The following VPS37A variants were observed in gnomAD, a reference collection of about 807,000 sequenced individuals.
The protein encoded by VPS37A is VPS37A subunit of ESCRT-I, also known as vacuolar protein sorting-associated protein 37A.
Under a neutral mutation model 49.8 loss-of-function variants are expected in VPS37A, and 30 were observed. That is an observed-to-expected ratio of 0.60 (90% CI 0.45 to 0.82). VPS37A has a LOEUF of 0.82. Ranked by LOEUF, VPS37A falls within the 40% of genes least tolerant of loss-of-function variation. VPS37A has a pLI of 0.00. For missense variants in VPS37A, 593 were observed against 464.4 expected (o/e 1.28, Z -2.55); for synonymous variants, 195 against 160.6 (o/e 1.21, Z -1.62).
intron 1 of VPS37A, among the ~76,000 whole-genome samples, chr8:17,251,484 T>G (rs138527271): frequency 6.6e-6 from 1 of 152,232 alleles, no homozygotes; most frequent in Non-Finnish European, 1.5e-5. Flanking sequence ...TTCTACTGCA[T>G]AGAATCAGTG....
chr8:17,316,089 T>C, the VPS37A span, among the ~76,000 whole-genome samples: 1 of 152,318 alleles, frequency 6.6e-6, no homozygotes, highest in East Asian at 1.9e-4. Flanking sequence ...ATTGTTAATA[T>C]TCCCAAGAAC....
chr8:17,273,148 A>G (rs1177614285), intron 4 of VPS37A, among the ~76,000 whole-genome samples: 3 of 140,540 alleles, frequency 2.1e-5, no homozygotes, highest in Admixed American at 7.9e-5. Context: ...TATTTGTTTT[A>G]TGGGTGTATT....
At chr8:17,317,002 A>C in the VPS37A span, among the ~76,000 whole-genome samples, 3 of 152,196 alleles carry the variant, frequency 2.0e-5, no homozygotes, top group African/African-American at 7.2e-5. Flanking sequence ...ATCCCAACTA[A>C]TACTTGGTAA....
At chr8:17,265,370 A>G (rs1813347839) in intron 1 of VPS37A, among the ~76,000 whole-genome samples, 1 of 152,230 alleles carries the variant, frequency 6.6e-6, no homozygotes, top group African/African-American at 2.4e-5. Flanking sequence ...AACTAACTAG[A>G]ACATTGCTAC....
At chr8:17,299,842 T>G, downstream of VPS37A, 1 of 1,612,622 alleles carries the variant, frequency 6.2e-7, no homozygotes, top group Non-Finnish European at 8.5e-7. Context: ...TCCTTTACTT[T>G]GGAACTCCAA....
the VPS37A span, among the ~76,000 whole-genome samples, chr8:17,310,337 AG>A: frequency 1.3e-5 from 2 of 152,160 alleles, no homozygotes; most frequent in African/African-American, 2.4e-5. Flanking sequence ...TAATATGGAT[AG>A]TCTCATCAAT....
Position 17,274,880 on chromosome 8 carries a change from A to T in VPS37A, c.564A>T (p.Thr188=). 1 of 1,614,036 alleles carries T rather than the reference A, an allele frequency of 6.2e-7. No homozygotes were observed. The part of the protein sequence containing the change: ...TVSSSTTSHT[T]AKPAAPSFGV... ...CTTCTTCAACAACAAGTCATACCAC[A>T]GCCAAGCCTGCCGCTCCTTCATTTG... The change falls in exon 5 of 12, where the codon ACA becomes ACT. Residue 188 remains threonine, a synonymous_variant. Coordinates refer to ENST00000324849, the MANE Select transcript of VPS37A (RefSeq NM_152415.3).
intron 10 of VPS37A, 152 bp from the exon 11 acceptor site, chr8:17,286,195 A>T: frequency 1.6e-6 from 1 of 626,586 alleles, no homozygotes; most frequent in Non-Finnish European, 2.8e-6. Context: ...TCATAATTTG[A>T]TAATTTTAGC....
At chr8:17,270,658 G>T (rs1813889729) in intron 4 of VPS37A, among the ~76,000 whole-genome samples, 1 of 152,068 alleles carries the variant, frequency 6.6e-6, no homozygotes, top group Non-Finnish European at 1.5e-5. Flanking sequence ...TTCTCGATGG[G>T]GTAGCAAAGT....
At chr8:17,264,758 C>T (rs1260199269) in intron 1 of VPS37A, among the ~76,000 whole-genome samples, 1 of 152,148 alleles carries the variant, frequency 6.6e-6, no homozygotes, top group African/African-American at 2.4e-5. Flanking sequence ...GAAGAAGTTT[C>T]ATGTTCATTT....
chr8:17,267,123 A>G (rs1813537142), intron 2 of VPS37A, among the ~76,000 whole-genome samples: 1 of 152,198 alleles, frequency 6.6e-6, no homozygotes, highest in South Asian at 2.1e-4. Flanking sequence ...GTTAGTAAGT[A>G]GCATAGTCAA....
At chr8:17,291,959 G>A (rs993438587) in intron 11 of VPS37A, among the ~76,000 whole-genome samples, 4 of 152,202 alleles carry the variant, frequency 2.6e-5, no homozygotes, top group African/African-American at 9.7e-5. Flanking sequence ...TTGATTATGG[G>A]TGGATAGTTC....
At chr8:17,261,383 C>T (rs1347934569) in intron 1 of VPS37A, among the ~76,000 whole-genome samples, 1 of 151,992 alleles carries the variant, frequency 6.6e-6, no homozygotes, top group Non-Finnish European at 1.5e-5. Context: ...TTTGTTTTAT[C>T]TTGGAGATCA....
chr8:17,250,680 CA>C (rs1811897094), intron 1 of VPS37A, among the ~76,000 whole-genome samples: 1 of 152,146 alleles, frequency 6.6e-6, no homozygotes, highest in Non-Finnish European at 1.5e-5. Flanking sequence ...AATTCCACTT[CA>C]GCAGTCTCTT....
chr8:17,252,874 T>C (rs1047371467), intron 1 of VPS37A, among the ~76,000 whole-genome samples: 1 of 152,240 alleles, frequency 6.6e-6, no homozygotes, highest in Non-Finnish European at 1.5e-5. Flanking sequence ...CTCCAAAATA[T>C]CAACATTTTG....
At chr8:17,331,905 T>A in the VPS37A span, among the ~76,000 whole-genome samples, 1 of 152,204 alleles carries the variant, frequency 6.6e-6, no homozygotes, top group African/African-American at 2.4e-5. Context: ...GGCTTTTTGA[T>A]CACTTTCATT....
rs1372039326 is a variant in VPS37A, at chr8:17,290,527, C to T, written c.*4100C>T. On this transcript the variant is annotated intron_variant, in intron 11 of 11. Transcript: ENST00000324849. ...CCAGCCTTGCATCCCAGGGATGAAG[C>T]CAACTTGATCGTGGTGGATAAGCTT... Among the ~76,000 whole-genome samples, 6 of 152,316 alleles carry T rather than the reference C, an allele frequency of 3.9e-5. 1 individual carries two copies. The highest frequency in any genetic ancestry group is 1.4e-4 in the African/African-American group (6 of 41,566).
At chr8:17,325,167 C>CA in the VPS37A span, among the ~76,000 whole-genome samples, 1 of 151,988 alleles carries the variant, frequency 6.6e-6, no homozygotes, top group South Asian at 2.1e-4. Flanking sequence ...AGAACTATTT[C>CA]AGAGAAACCA....
At chr8:17,329,871 C>T in the VPS37A span, among the ~76,000 whole-genome samples, 1 of 152,158 alleles carries the variant, frequency 6.6e-6, no homozygotes, top group East Asian at 1.9e-4. Context: ...GGTATTGTCA[C>T]TGTGACCTGA....
Sources: allele counts gnomAD v4.1 joint callset (sites outside exome capture counted in the v4.1 genomes callset), GRCh38; gene constraint gnomAD v4.1.1; transcripts MANE v1.5; gene names NCBI Gene and HGNC (gene_info 2026-07-23, HGNC 2026-07-21).